AP3D1: variants seen among roughly 807,000 people sequenced by gnomAD.
AP3D1 encodes AP-3 complex subunit delta-1.
Under a neutral mutation model 147.6 loss-of-function variants are expected in AP3D1, and 51 were observed. The ratio of observed to expected loss-of-function variants is 0.35; its 90% CI spans 0.28 to 0.44. AP3D1 has a LOEUF of 0.44. Among genes scored for constraint, AP3D1 ranks in the 20% least tolerant of loss-of-function variants. The probability of loss-of-function intolerance (pLI) is 1.00; values close to 1 mark genes in which losing one functional copy is unlikely to be tolerated. For missense variants in AP3D1, 1,421 were observed against 1,624.2 expected, an observed-to-expected ratio of 0.87 and a Z score of 2.15; for synonymous variants, 760 against 663.0, an observed-to-expected ratio of 1.15 and a Z score of -2.25.
Position 2,121,204 on chromosome 19 carries a change from G to A in AP3D1, c.1209C>T (p.Ile403=). Residue 403 remains isoleucine (I), a synonymous_variant, in exon 13 of 32, where the codon ATC becomes ATT. Coordinates refer to ENST00000643116, the MANE Select transcript of AP3D1 (RefSeq NM_001261826.3). Reference sequence around the variant, plus strand: ...TGTACTGGTAGTTGGACTGGCTGCAGATGTCAATGATCTTGGTGAGCAGCT... The same window carrying A: ...TGTACTGGTAGTTGGACTGGCTGCAAATGTCAATGATCTTGGTGAGCAGCT... ...RDELLTKIID[I]CSQSNYQYIT... 1 of 1,614,232 alleles carries A rather than the reference G, an allele frequency of 6.2e-7. No homozygotes were observed. Among genetic ancestry groups the A allele is most frequent in the South Asian group, 1.1e-5 (1 of 91,086 alleles).
chr19:2,110,080 G>T, intron 28 of AP3D1, 56 bp downstream of exon 28: 1 of 1,593,772 alleles, frequency 6.3e-7, no homozygotes, highest in Non-Finnish European at 8.6e-7. Context: ...CGATGGGGCA[G>T]GAGGAGCCCC....
intron 8 of AP3D1, among the ~76,000 whole-genome samples, chr19:2,128,335 CG>C (rs59442178): frequency 0.081 from 12,288 of 152,102 alleles, 912 homozygotes; most frequent in African/African-American, 0.19. Flanking sequence ...GTCTAGTGGC[CG>C]GGAATGCCAC....
At chr19:2,117,490 G>T in intron 15 of AP3D1, 123 bp from the exon 16 acceptor site, 1 of 1,050,670 alleles carries the variant, frequency 9.5e-7, no homozygotes, top group Non-Finnish European at 1.3e-6. Context: ...CAGCCACATA[G>T]CCACAGAGAG....
chr19:2,138,697 C>G lies in AP3D1; in HGVS notation c.114G>C (p.Gln38His). 1 of 1,613,118 alleles carries G rather than the reference C, an allele frequency of 6.2e-7. No homozygotes were observed. The highest frequency in any genetic ancestry group is 8.5e-7 in the Non-Finnish European group (1 of 1,179,704). ...GCTCCTGCTTGATCTCATCAATGCACTGAGATATGTATTTTGCCTATAATG... is the reference window on the plus strand; with the variant it reads ...GCTCCTGCTTGATCTCATCAATGCAGTGAGATATGTATTTTGCCTATAATG... ...HKEDEAKYIS[Q>H]CIDEIKQELK... The change falls in exon 2 of 32, where the codon CAG becomes CAC. Residue 38 changes from glutamine to histidine, a missense_variant. This residue lies in a region of AP3D1 where 292 missense variants were observed against 412.0 expected (regional missense o/e 0.71). Coordinates refer to ENST00000643116, the MANE Select transcript of AP3D1 (RefSeq NM_001261826.3).
rs1568296589 is a variant in AP3D1, at chr19:2,130,395, C to G, written c.592+13G>C. 2 of 1,613,784 alleles carry G rather than the reference C, an allele frequency of 1.2e-6. No individual in the cohort carries two copies. The highest frequency in any genetic ancestry group is 8.5e-7 in the Non-Finnish European group (1 of 1,179,946). On this transcript the variant is annotated intron_variant, in intron 6 of 31. Coordinates refer to ENST00000643116, the MANE Select transcript of AP3D1 (RefSeq NM_001261826.3). ...CCACCCTCAACCCTGAGGCTTAACT[C>G]AAATCCACAAACCGGGGTCGGGGTC...
chr19:2,127,833 G>A (rs963841430), intron 8 of AP3D1, among the ~76,000 whole-genome samples: 3 of 152,124 alleles, frequency 2.0e-5, no homozygotes, highest in African/African-American at 4.8e-5. Context: ...AGCCCTTTTC[G>A]GTGTTTCGAT....
rs774593681 is a variant in AP3D1 at position 2,115,211 on chromosome 19, A to C, written c.2349+8T>G. On this transcript the variant is annotated splice_region_variant and intron_variant, in intron 20 of 31. Coordinates refer to ENST00000643116, the MANE Select transcript of AP3D1 (RefSeq NM_001261826.3). ...CATCCTAGGACCGGGACCTCCAGCGAGGCTGACCTCAGGCATCTCCTCTGT... is the reference window on the plus strand; with the variant it reads ...CATCCTAGGACCGGGACCTCCAGCGCGGCTGACCTCAGGCATCTCCTCTGT... 2 of 1,610,926 alleles carry C rather than the reference A, an allele frequency of 1.2e-6. No homozygotes were observed.
chr19:2,129,531 G>T (rs889946514), intron 6 of AP3D1, 74 bp from the exon 7 acceptor site: 5 of 1,525,184 alleles, frequency 3.3e-6, no homozygotes, highest in East Asian at 2.3e-5. Flanking sequence ...TTCCTGGCCC[G>T]CGAGGAAGTT....
At chr19:2,137,186 G>T in intron 3 of AP3D1, 95 bp from the exon 4 acceptor site, 2 of 1,132,690 alleles carry the variant, frequency 1.8e-6, no homozygotes, top group African/African-American at 1.5e-5. Flanking sequence ...GGCAGCGCCA[G>T]CCCAGAAGCA....
upstream of AP3D1, among the ~76,000 whole-genome samples, chr19:2,153,794 C>T (rs970956531): frequency 5.9e-5 from 9 of 152,150 alleles, no homozygotes; most frequent in Admixed American, 2.0e-4. Context: ...AATATGTGTG[C>T]GTTAGCATTG....
At chr19:2,124,943 C>A (rs945402283) in intron 9 of AP3D1, among the ~76,000 whole-genome samples, 1 of 152,018 alleles carries the variant, frequency 6.6e-6, no homozygotes, top group Admixed American at 6.6e-5. Context: ...CCGCGATCCC[C>A]CCCACCGCCC....
chr19:2,113,450 C>G, intron 22 of AP3D1, 37 bp from the exon 23 acceptor site: 2 of 1,328,020 alleles, frequency 1.5e-6, no homozygotes, highest in South Asian at 1.6e-5. Context: ...AAACGCAGTG[C>G]AATGGTCCTG....
chr19:2,158,357 G>GT (rs556426847), intron 1 of AP3D1, among the ~76,000 whole-genome samples: 24,512 of 135,608 alleles, frequency 0.18, 2,220 homozygotes, highest in African/African-American at 0.22. Context: ...TGCTCGACCT[G>GT]TTTTTTTTTT....
chr19:2,122,896 C>T (rs556666598), intron 11 of AP3D1, among the ~76,000 whole-genome samples: 26 of 152,378 alleles, frequency 1.7e-4, no homozygotes, highest in African/African-American at 6.3e-4. Flanking sequence ...GCCGCTAATT[C>T]TGATTCCTCA....
At position 2,141,525 on chromosome 19, in the gene AP3D1, TCGGTTCAAG is replaced by T. The variant is rs1457708417; in HGVS notation, c.97-2820_97-2812del. Among the ~76,000 whole-genome samples the T allele has an allele frequency of 2.5e-3, 267 of 108,734 alleles. 1 individual carries two copies. Among genetic ancestry groups the T allele is most frequent in the African/African-American group, 8.9e-3 (257 of 28,784 alleles). The allele number at this position is 108,734 out of a possible 152,430, so 71.3% of individuals were successfully genotyped here. A position where few individuals can be genotyped will look rare whatever the true frequency, so the allele number is the denominator to read the frequency against. ...CTCGGCTCACTGCAACCTCCGCCTC[TCGGTTCAAG>T]TGATTCAAGTGATTCTCCTGCCTCA... On this transcript the variant is annotated intron_variant, in intron 1 of 31. Transcript: ENST00000643116.
intron 14 of AP3D1, among the ~76,000 whole-genome samples, chr19:2,119,093 G>C (rs1236694551): frequency 6.6e-6 from 1 of 152,196 alleles, no homozygotes; most frequent in Non-Finnish European, 1.5e-5. Context: ...AAGGACAACG[G>C]GGTCAACTGT....
intron 31 of AP3D1, among the ~76,000 whole-genome samples, chr19:2,107,451 G>A (rs1345748106): frequency 6.6e-6 from 1 of 151,682 alleles, no homozygotes; most frequent in African/African-American, 2.4e-5. Context: ...TTTGAAAAGT[G>A]CAATAAAGGC....
intron 8 of AP3D1, among the ~76,000 whole-genome samples, chr19:2,128,480 CG>C: frequency 7.7e-5 from 9 of 116,938 alleles, no homozygotes; most frequent in East Asian, 2.6e-4. Flanking sequence ...CCCGCCGCTC[CG>C]ACACTGCACC....
At chr19:2,109,421 C>T in intron 29 of AP3D1, 2 of 599,914 alleles carry the variant, frequency 3.3e-6, no homozygotes, top group Non-Finnish European at 5.6e-6. Context: ...TTAAAGAGGT[C>T]ACAGAGGTGC....
Sources: gnomAD v4.1 joint callset for allele counts (sites outside exome capture counted in the v4.1 genomes callset) on GRCh38, gnomAD v4.1.1 for gene constraint, gnomAD v4.1.1 regional missense constraint, MANE v1.5 for transcripts, NCBI Gene and HGNC (gene_info 2026-07-23, HGNC 2026-07-21) for gene names.